Variants in STK11 observed in about 807,000 individuals in gnomAD.
The protein encoded by STK11 is serine/threonine kinase 11.
A neutral mutation model predicts 47.3 loss-of-function variants in STK11; 8 were observed. The ratio of observed to expected loss-of-function variants is 0.17; its 90% confidence interval spans 0.10 to 0.31. The LOEUF (loss-of-function observed/expected upper bound fraction) is 0.31. Ranked by LOEUF, STK11 falls within the 10% of genes least tolerant of loss-of-function variation. STK11 has a pLI of 1.00. For synonymous variants in STK11, 330 were observed against 255.8 expected, an observed-to-expected ratio of 1.29 and a Z score of -2.77; for missense variants, 475 against 605.0, an observed-to-expected ratio of 0.79 and a Z score of 2.25.
At chr19:1,221,102 C>A in intron 5 of STK11, 111 bp from the exon 6 acceptor site, 1 of 1,474,126 alleles carries the variant, frequency 6.8e-7, no homozygotes, top group Non-Finnish European at 9.2e-7. Flanking sequence ...GTCCACAGGG[C>A]CTCTGGTCCA....
At chr19:1,222,087 C>T in intron 7 of STK11, 81 bp downstream of exon 7, 4 of 1,494,510 alleles carry the variant, frequency 2.7e-6, no homozygotes, top group Non-Finnish European at 3.6e-6. Flanking sequence ...GGCGCTAGAG[C>T]AGGGCGTGGT....
intron 8 of STK11, 111 bp downstream of exon 8, chr19:1,223,283 A>G: frequency 7.6e-7 from 1 of 1,310,100 alleles, no homozygotes; most frequent in Non-Finnish European, 1.0e-6. Flanking sequence ...TCTGGTGGCC[A>G]ATCCCACGTC....
rs1334393415 is a variant in STK11, at chr19:1,213,732, G to A, written c.291-4685G>A. 2.6e-5 allele frequency among the ~76,000 whole-genome samples: 4 copies of A among 152,348 alleles called. No homozygotes were observed. In the South Asian group the frequency reaches 6.2e-4, roughly 24 times the overall value. ...GTGAATTGTGGCTGCTTTGGTGCAC[G>A]TGTGCTCAGCCGGCGTCCCTCTAGA... On this transcript the variant is annotated intron_variant, in intron 1 of 9. Transcript: ENST00000326873.
chr19:1,225,940 G>C (rs1308302013), intron 8 of STK11: 1 of 992,948 alleles, frequency 1.0e-6, no homozygotes, highest in Admixed American at 6.0e-5. Context: ...AGCAGGGACT[G>C]GGGGCAGCTG....
intron 7 of STK11, among the ~76,000 whole-genome samples, chr19:1,222,448 G>A (rs907806504): frequency 1.3e-5 from 2 of 152,190 alleles, no homozygotes; most frequent in Non-Finnish European, 2.9e-5. Flanking sequence ...CACTTCGTGG[G>A]CTCTGCTCCT....
chr19:1,224,498 G>C (rs1452026883), intron 8 of STK11: 1 of 985,366 alleles, frequency 1.0e-6, no homozygotes, highest in African/African-American at 1.7e-5. Context: ...CGGGCAGCCA[G>C]GCAAATCCCA....
chr19:1,224,071 C>A, intron 8 of STK11: 6 of 999,454 alleles, frequency 6.0e-6, no homozygotes, highest in Non-Finnish European at 7.2e-6. Context: ...CTGCAGAGAG[C>A]CCCCCATTAG....
chr19:1,206,442 G>A lies in STK11; in HGVS notation c.-472G>A. The A allele has an allele frequency of 4.2e-6, 1 of 238,404 alleles. No homozygotes were observed. Among genetic ancestry groups the A allele is most frequent in the Non-Finnish European group, 8.2e-6 (1 of 121,462 alleles). 14.8% of individuals were successfully genotyped at this position (238,404 alleles called of 1,614,324 possible). ...GGCTCTCCAGGTGTGGGGGTCCCGG[G>A]GGGTAGCGACGTCGCGGACCCGGCC... On this transcript the variant is annotated 5_prime_UTR_variant, in exon 1 of 10. Transcript: ENST00000326873.
At chr19:1,225,118 A>AC in intron 8 of STK11, 1 of 985,676 alleles carries the variant, frequency 1.0e-6, no homozygotes, top group Non-Finnish European at 1.2e-6. Context: ...ACCAGTGCAG[A>AC]CAGGAGTGTG....
chr19:1,209,938 A>G (rs2080698071), intron 1 of STK11, among the ~76,000 whole-genome samples: 1 of 152,162 alleles, frequency 6.6e-6, no homozygotes. Context: ...GCTTGACCCC[A>G]CTGCCTTGAA....
intron 1 of STK11, among the ~76,000 whole-genome samples, chr19:1,217,234 G>C (rs1219252853): frequency 6.6e-6 from 1 of 152,086 alleles, no homozygotes; most frequent in Non-Finnish European, 1.5e-5. Flanking sequence ...TCTTTTATGA[G>C]ACAGGGTCTT....
In STK11 at chr19:1,222,035, G is replaced by A. The variant is rs191273506; in HGVS notation, c.920+29G>A. The A allele has an allele frequency of 6.6e-5, 102 of 1,556,508 alleles. No homozygotes were observed. The East Asian group carries it at 1.2e-3, about 18-fold the overall frequency. On this transcript the variant is annotated intron_variant, in intron 7 of 9. Coordinates refer to ENST00000326873, the MANE Select transcript of STK11 (RefSeq NM_000455.5). ...AGCGGCCCCTGGGGGCAGTGGGGCC[G>A]AGGCTGCAGGGAGGCCGGCCATGTG...
chr19:1,207,291 C>T (rs960667218), intron 1 of STK11, 88 bp downstream of exon 1: 8 of 1,470,636 alleles, frequency 5.4e-6, no homozygotes, highest in East Asian at 2.5e-5. Context: ...CTCCCTCCCT[C>T]CCTTACTTCC....
At chr19:1,221,192 T>C (rs1246111007) in intron 5 of STK11, 21 bp from the exon 6 acceptor site, 4 of 1,610,870 alleles carry the variant, frequency 2.5e-6, no homozygotes, top group South Asian at 1.1e-5. Flanking sequence ...CACGCCTTTC[T>C]TCCCTCCCCT....
Position 1,227,734 on chromosome 19 carries a change from C to T in STK11, c.*158C>T. On this transcript the variant is annotated 3_prime_UTR_variant, in exon 10 of 10. Coordinates refer to ENST00000326873, the MANE Select transcript of STK11 (RefSeq NM_000455.5). ...CTCCGGAGCGCCCTGCAGGGCCGGG[C>T]AGGGGGACAGCAGGGACCGGGCGCA... 1 of 1,072,108 alleles carries T rather than the reference C, an allele frequency of 9.3e-7. No homozygotes were observed. Among genetic ancestry groups the T allele is most frequent in the Non-Finnish European group, 1.1e-6 (1 of 883,542 alleles). The allele number at this position is 1,072,108 out of a possible 1,614,324, so 66.4% of individuals were successfully genotyped here.
At chr19:1,217,165 G>A (rs561807802) in intron 1 of STK11, among the ~76,000 whole-genome samples, 3 of 152,042 alleles carry the variant, frequency 2.0e-5, no homozygotes, top group East Asian at 3.9e-4. Context: ...ACGCTTCCAC[G>A]CCCACCCACT....
rs571575608 is a variant in STK11, at chr19:1,227,792, C to T, written c.*216C>T. On this transcript the variant is annotated 3_prime_UTR_variant, in exon 10 of 10. Coordinates refer to ENST00000326873, the MANE Select transcript of STK11 (RefSeq NM_000455.5). ...CCCCTCGGCCGCCCGGCAGTGCACG[C>T]GGCTTGTTGACTTCGCAGCCCCGGG... 16 of 1,074,724 alleles carry T rather than the reference C, an allele frequency of 1.5e-5. No homozygotes were observed. Among genetic ancestry groups the T allele is most frequent in the South Asian group, 4.5e-5 (1 of 22,054 alleles). 66.6% of individuals were successfully genotyped at this position (1,074,724 alleles called of 1,614,324 possible). A position where few individuals can be genotyped will look rare whatever the true frequency, so the allele number is the denominator to read the frequency against.
chr19:1,213,395 C>T (rs2080724986), intron 1 of STK11, among the ~76,000 whole-genome samples: 2 of 152,152 alleles, frequency 1.3e-5, no homozygotes, highest in Non-Finnish European at 2.9e-5. Context: ...TTCTTGTTAC[C>T]CCAGAAGGAA....
intron 4 of STK11, 22 bp from the exon 5 acceptor site, chr19:1,220,559 G>A (rs758946452): frequency 1.3e-6 from 2 of 1,575,480 alleles, no homozygotes; most frequent in Admixed American, 1.8e-5. Flanking sequence ...CACTCCCTGA[G>A]GGCTGCACGG....
Sources: gnomAD v4.1 joint callset for allele counts (sites outside exome capture counted in the v4.1 genomes callset) on GRCh38, gnomAD v4.1.1 for gene constraint, MANE v1.5 for transcripts, NCBI Gene and HGNC (gene_info 2026-07-23, HGNC 2026-07-21) for gene names.